RTF2: variants seen among roughly 807,000 people sequenced by gnomAD.
RTF2 encodes replication termination factor 2, also known as UPF0549 protein C20orf43.
In RTF2, 18 loss-of-function variants were observed where a neutral mutation model predicts 38.0. The ratio of observed to expected loss-of-function variants is 0.47; its 90% CI spans 0.33 to 0.70. The LOEUF (loss-of-function observed/expected upper bound fraction) is 0.70. RTF2 is among the 30% of genes least tolerant of loss of function. The pLI, the probability that RTF2 is intolerant of heterozygous loss-of-function variation, is 0.02. For missense variants in RTF2, 311 were observed against 379.6 expected (o/e 0.82, Z 1.50); for synonymous variants, 126 against 137.1 (o/e 0.92, Z 0.57).
rs1982293604 is a variant in RTF2, at chr20:56,477,121, A to G, written c.395A>G (p.His132Arg). The change falls in exon 4 of 9, where the codon CAC becomes CGC. Residue 132 changes from histidine (H) to arginine (R), a missense_variant. Coordinates refer to ENST00000357348, the MANE Select transcript of RTF2 (RefSeq NM_016407.5). ...PVVGLEMNGRHRFCFLRCCGC... is the reference protein window; with the variant it reads ...PVVGLEMNGRRRFCFLRCCGC... The stretch of plus-strand genomic sequence containing the variant: ...GTGGGCCTGGAGATGAACGGCCGAC[A>G]CAGGTTAGTGACGGACCTGGGACAG... The G allele has an allele frequency of 9.3e-6, 15 of 1,613,690 alleles. No individual in the cohort carries two copies. The highest frequency in any genetic ancestry group is 1.3e-5 in the Non-Finnish European group (15 of 1,179,824).
intron 5 of RTF2, among the ~76,000 whole-genome samples, chr20:56,500,085 G>A (rs1008643248): frequency 2.7e-5 from 4 of 150,698 alleles, no homozygotes; most frequent in African/African-American, 4.9e-5. Context: ...GAGGAGTTTC[G>A]CTCTTGTTGT....
At chr20:56,472,576 T>TA (rs11482055) in intron 1 of RTF2, among the ~76,000 whole-genome samples, 62,049 of 150,456 alleles carry the variant, frequency 0.41, 13,671 homozygotes, top group East Asian at 0.93. Context: ...TTCTGAACTT[T>TA]AAAAAAAAAA....
intron 5 of RTF2, among the ~76,000 whole-genome samples, chr20:56,493,300 C>A (rs1284580809): frequency 6.6e-6 from 1 of 152,112 alleles, no homozygotes; most frequent in Non-Finnish European, 1.5e-5. Flanking sequence ...ACAAATTTTA[C>A]CTGATAGACA....
chr20:56,508,730 T>C (rs1292719547), intron 5 of RTF2, among the ~76,000 whole-genome samples: 1 of 152,196 alleles, frequency 6.6e-6, no homozygotes, highest in Non-Finnish European at 1.5e-5. Context: ...ACATGTATGG[T>C]CATTGATTTT....
In RTF2 at chr20:56,516,958, A is replaced by G; in HGVS notation, c.615A>G (p.Ala205=). 10 of 1,614,196 alleles carry G rather than the reference A, an allele frequency of 6.2e-6. No homozygotes were observed. The highest frequency in any genetic ancestry group is 7.6e-6 in the Non-Finnish European group (9 of 1,179,984). ...AGAAAACAAAGAAACCCAAGGCAGC[A>G]GAGTCTGTTTCAAAACCAGATGTCA... ...LEKKTKKPKA[A]ESVSKPDVSE... is the part of the protein sequence containing the mutation. Residue 205 remains alanine (A), a synonymous_variant, in exon 7 of 9, where the codon GCA becomes GCG. Coordinates refer to ENST00000357348, the MANE Select transcript of RTF2 (RefSeq NM_016407.5).
At position 56,483,239 on chromosome 20, in the gene RTF2, T is replaced by C. The variant is rs371598164; in HGVS notation, c.399-872T>C. ...GAAACTCTTAAAAGTCACACTTTACTTGATACTGCCAAATTATCTTCCTAA... is the reference window on the plus strand; with the variant it reads ...GAAACTCTTAAAAGTCACACTTTACCTGATACTGCCAAATTATCTTCCTAA... On this transcript the variant is annotated intron_variant, in intron 4 of 8. Coordinates refer to ENST00000357348, the MANE Select transcript of RTF2 (RefSeq NM_016407.5). 5.3e-5 allele frequency among the ~76,000 whole-genome samples: 8 copies of C among 152,346 alleles called. No individual in the cohort carries two copies. The East Asian group carries it at 1.4e-3, about 26-fold the overall frequency.
Position 56,474,671 on chromosome 20 carries a change from A to G in RTF2, c.165-7A>G, listed in dbSNP as rs750234214. 6.9e-6 allele frequency: 11 copies of G among 1,587,570 alleles called. No homozygotes were observed. The African/African-American group carries it at 1.2e-4, about 18-fold the overall frequency. On this transcript the variant is annotated splice_region_variant and splice_polypyrimidine_tract_variant and intron_variant, in intron 2 of 8. Coordinates refer to ENST00000357348, the MANE Select transcript of RTF2 (RefSeq NM_016407.5). ...TTGACATAATATTCTAATACTTACT[A>G]TTGCAGACTTTATAACAAAGATGCC...
chr20:56,491,738 G>T, intron 5 of RTF2: 1 of 1,552,068 alleles, frequency 6.4e-7, no homozygotes, highest in Non-Finnish European at 8.7e-7. Context: ...AATGAGCCAC[G>T]GCAGGTCTCC....
intron 5 of RTF2, among the ~76,000 whole-genome samples, chr20:56,498,615 G>A (rs193006185): frequency 6.6e-6 from 1 of 152,150 alleles, no homozygotes; most frequent in African/African-American, 2.4e-5. Context: ...GTCTACAGAG[G>A]TACATGAATA....
At chr20:56,496,414 G>C (rs1983536812) in intron 5 of RTF2, among the ~76,000 whole-genome samples, 1 of 152,200 alleles carries the variant, frequency 6.6e-6, no homozygotes, top group Non-Finnish European at 1.5e-5. Flanking sequence ...TGGGCATGGT[G>C]GTGGGCGCCT....
At chr20:56,476,726 T>C (rs932196907) in intron 3 of RTF2, among the ~76,000 whole-genome samples, 2 of 152,152 alleles carry the variant, frequency 1.3e-5, no homozygotes, top group Non-Finnish European at 2.9e-5. Context: ...CTTGAACTCC[T>C]GACCTCAGGT....
intron 8 of RTF2, 152 bp downstream of exon 8, chr20:56,517,353 A>G: frequency 1.5e-6 from 1 of 649,344 alleles, no homozygotes. Flanking sequence ...TTAGGGGGGT[A>G]ACTAAGAAAT....
At chr20:56,481,072 C>T (rs991820924) in intron 4 of RTF2, among the ~76,000 whole-genome samples, 2 of 152,156 alleles carry the variant, frequency 1.3e-5, no homozygotes, top group East Asian at 3.8e-4. Context: ...ATCTGCAAAG[C>T]GCAATAAAAC....
chr20:56,473,227 A>G (rs6024901), intron 1 of RTF2, 74 bp from the exon 2 acceptor site: 393,802 of 1,068,984 alleles, frequency 0.37, 76,044 homozygotes, highest in East Asian at 0.66. Flanking sequence ...TACTGAATAT[A>G]CTTTTATATG....
chr20:56,478,207 A>G (rs1244882870), intron 4 of RTF2, among the ~76,000 whole-genome samples: 2 of 152,218 alleles, frequency 1.3e-5, no homozygotes, highest in Non-Finnish European at 2.9e-5. Flanking sequence ...AGTTGCCTTT[A>G]GCAGCTCACA....
At chr20:56,496,512 C>G (rs1012553074) in intron 5 of RTF2, 99 of 1,050,964 alleles carry the variant, frequency 9.4e-5, no homozygotes, top group Middle Eastern at 3.2e-4. Flanking sequence ...CGCGCCACTG[C>G]ACTCCAGCCT....
chr20:56,507,514 A>G (rs1984357834), intron 5 of RTF2, among the ~76,000 whole-genome samples: 4 of 152,154 alleles, frequency 2.6e-5, no homozygotes, highest in African/African-American at 9.7e-5. Context: ...CTGACTTCTT[A>G]TTGTCAGTGG....
intron 4 of RTF2, among the ~76,000 whole-genome samples, chr20:56,478,445 T>G (rs1443764546): frequency 2.0e-5 from 3 of 152,252 alleles, no homozygotes; most frequent in African/African-American, 7.2e-5. Flanking sequence ...CAGTGAGGTA[T>G]GATCATGCCA....
At chr20:56,496,807 T>C in intron 5 of RTF2, 1 of 1,552,072 alleles carries the variant, frequency 6.4e-7, no homozygotes, top group Non-Finnish European at 8.7e-7. Flanking sequence ...TGGGGTGGTT[T>C]GTCTTTGAAT....
Sources: gnomAD v4.1 joint callset for allele counts (sites outside exome capture counted in the v4.1 genomes callset) on GRCh38, gnomAD v4.1.1 for gene constraint, MANE v1.5 for transcripts, NCBI Gene and HGNC (gene_info 2026-07-23, HGNC 2026-07-21) for gene names.